The following IQSEC1 variants were observed in gnomAD, a reference collection of about 807,000 sequenced individuals.
IQSEC1 encodes IQ motif and SEC7 domain-containing protein 1.
IQSEC1 carries 31 observed loss-of-function variants against 91.0 expected under a neutral mutation model. The observed-to-expected ratio is 0.34, with a 90% CI of 0.26 to 0.46. The LOEUF is 0.46. IQSEC1 is among the 20% of genes least tolerant of loss of function. The pLI, the probability that IQSEC1 is intolerant of heterozygous loss-of-function variation, is 1.00. For missense variants in IQSEC1, 1,388 were observed against 1,575.6 expected, an observed-to-expected ratio of 0.88 and a Z score of 2.02; for synonymous variants, 699 against 662.6, an observed-to-expected ratio of 1.05 and a Z score of -0.84.
At chr3:13,025,821 G>A (rs997811607) in intron 1 of IQSEC1, among the ~76,000 whole-genome samples, 3 of 152,134 alleles carry the variant, frequency 2.0e-5, no homozygotes, top group Admixed American at 6.5e-5. Flanking sequence ...CATGCTGACC[G>A]TCACCCACAG....
intron 1 of IQSEC1, among the ~76,000 whole-genome samples, chr3:13,036,972 C>T (rs906370191): frequency 2.0e-5 from 3 of 152,110 alleles, no homozygotes; most frequent in Admixed American, 1.3e-4. Context: ...CCTTGGAAGC[C>T]TCTTACTGTG....
intron 2 of IQSEC1, among the ~76,000 whole-genome samples, chr3:13,085,525 C>T (rs1036918825): frequency 5.3e-5 from 8 of 152,310 alleles, no homozygotes; most frequent in Non-Finnish European, 8.8e-5. Flanking sequence ...GCCTCCGTGA[C>T]GGCAGCCCTG....
chr3:13,111,867 T>C (rs1706251791), intron 2 of IQSEC1, among the ~76,000 whole-genome samples: 1 of 152,130 alleles, frequency 6.6e-6, no homozygotes, highest in Non-Finnish European at 1.5e-5. Flanking sequence ...CTGAGAAATA[T>C]ATTCCCGTAG....
At chr3:13,219,492 C>T (rs981571591) in intron 1 of IQSEC1, among the ~76,000 whole-genome samples, 1 of 152,354 alleles carries the variant, frequency 6.6e-6, no homozygotes, top group Admixed American at 6.5e-5. Context: ...CCCCCACCCC[C>T]GGCGGGAAGG....
intron 1 of IQSEC1, among the ~76,000 whole-genome samples, chr3:13,038,260 G>GTATATATATATATATATATA (rs1452632242): frequency 8.0e-5 from 5 of 62,352 alleles, no homozygotes; most frequent in Non-Finnish European, 1.2e-4. Flanking sequence ...GTGTGTGTGT[G>GTATATATATATATATATATA]TGTATATATA....
At chr3:13,273,342 AAG>A (rs1328627031) in intron 1 of IQSEC1, among the ~76,000 whole-genome samples, 2 of 152,154 alleles carry the variant, frequency 1.3e-5, no homozygotes, top group Non-Finnish European at 2.9e-5. Flanking sequence ...CTCAAGGTGA[AAG>A]AGGGGAGTGG....
At chr3:12,946,104 C>T (rs771419159) in intron 1 of IQSEC1, among the ~76,000 whole-genome samples, 12 of 152,226 alleles carry the variant, frequency 7.9e-5, no homozygotes, top group Non-Finnish European at 1.6e-4. Context: ...CAGAGCTTGG[C>T]TATAAAGTGA....
intron 1 of IQSEC1, among the ~76,000 whole-genome samples, chr3:13,216,987 G>A (rs768244341): frequency 6.6e-6 from 1 of 152,126 alleles, no homozygotes; most frequent in African/African-American, 2.4e-5. Context: ...CTGATGACAG[G>A]AGCCCAATGG....
intron 1 of IQSEC1, among the ~76,000 whole-genome samples, chr3:13,232,995 T>C (rs914880757): frequency 1.3e-5 from 2 of 152,162 alleles, no homozygotes; most frequent in Admixed American, 6.5e-5. Context: ...GGAGAGTTGA[T>C]GTTTAATGGA....
At chr3:13,107,094 G>T (rs921527340) in intron 2 of IQSEC1, among the ~76,000 whole-genome samples, 1 of 152,184 alleles carries the variant, frequency 6.6e-6, no homozygotes, top group African/African-American at 2.4e-5. Flanking sequence ...CTCATGGCCC[G>T]TGTCCTTTTT....
At chr3:13,203,573 C>A (rs756331253) in intron 1 of IQSEC1, among the ~76,000 whole-genome samples, 1 of 152,146 alleles carries the variant, frequency 6.6e-6, no homozygotes, top group Non-Finnish European at 1.5e-5. Flanking sequence ...GGAAACACAC[C>A]GGAGAGGCAA....
intron 1 of IQSEC1, among the ~76,000 whole-genome samples, chr3:13,225,515 A>G (rs1433118444): frequency 1.3e-5 from 2 of 152,242 alleles, no homozygotes; most frequent in Non-Finnish European, 2.9e-5. Flanking sequence ...CAACAAGCAT[A>G]CATTCACTTG....
intron 1 of IQSEC1, among the ~76,000 whole-genome samples, chr3:13,231,787 C>T (rs1251288221): frequency 2.0e-5 from 3 of 152,208 alleles, no homozygotes; most frequent in Admixed American, 6.5e-5. Flanking sequence ...AAGAGCACAA[C>T]GGGTCTCTAA....
chr3:13,222,939 C>T (rs1393026156), intron 1 of IQSEC1, among the ~76,000 whole-genome samples: 1 of 152,262 alleles, frequency 6.6e-6, no homozygotes, highest in Non-Finnish European at 1.5e-5. Flanking sequence ...AGTGCCCAGA[C>T]TCAGCTCCAG....
At chr3:13,059,465 G>A (rs968294911) in intron 1 of IQSEC1, among the ~76,000 whole-genome samples, 2 of 152,210 alleles carry the variant, frequency 1.3e-5, no homozygotes, top group Admixed American at 6.5e-5. Flanking sequence ...TGCCCTCTGG[G>A]TGATGTGAGA....
At chr3:12,966,545 C>T (rs1005079257) in intron 1 of IQSEC1, among the ~76,000 whole-genome samples, 6 of 152,160 alleles carry the variant, frequency 3.9e-5, no homozygotes, top group Non-Finnish European at 8.8e-5. Flanking sequence ...CACACACACT[C>T]CCTTTCTCCC....
intron 10 of IQSEC1, among the ~76,000 whole-genome samples, chr3:12,910,647 AG>A (rs1695474585): frequency 6.6e-6 from 1 of 152,226 alleles, no homozygotes; most frequent in Non-Finnish European, 1.5e-5. Context: ...CAGGGCATAC[AG>A]GGAGTGCAGG....
chr3:12,911,427 T>C (rs867574477), intron 10 of IQSEC1, among the ~76,000 whole-genome samples: 1 of 152,346 alleles, frequency 6.6e-6, no homozygotes, highest in Middle Eastern at 3.4e-3. Context: ...TCCAGTGTTA[T>C]TACATGAGGC....
intron 1 of IQSEC1, chr3:13,047,617 C>T (rs1704549331): frequency 1.8e-6 from 1 of 561,136 alleles, no homozygotes; most frequent in South Asian, 8.1e-5. Context: ...GCAGGTGGTC[C>T]CAGGACAGGT....
Sources: gnomAD v4.1 joint callset for allele counts (sites outside exome capture counted in the v4.1 genomes callset) on GRCh38, gnomAD v4.1.1 for gene constraint, MANE v1.5 for transcripts, NCBI Gene and HGNC (gene_info 2026-07-23, HGNC 2026-07-21) for gene names.